The following TTC23L variants were observed in gnomAD, a reference collection of about 807,000 sequenced individuals.
TTC23L encodes the protein tetratricopeptide repeat domain 23 like.
TTC23L carries 42 observed loss-of-function variants against 48.1 expected under a neutral mutation model. That is an observed-to-expected ratio of 0.87 (90% CI 0.68 to 1.13). The LOEUF is 1.13. TTC23L is among the 50% of genes most tolerant of loss of function. The probability of loss-of-function intolerance (pLI) is 0.00; values close to 1 mark genes in which losing one functional copy is unlikely to be tolerated. For missense variants in TTC23L, 391 were observed against 421.0 expected, an observed-to-expected ratio of 0.93 and a Z score of 0.62; for synonymous variants, 159 against 157.2, an observed-to-expected ratio of 1.01 and a Z score of -0.09.
At chr5:34,915,039 G>C in the TTC23L span, 3 of 772,258 alleles carry the variant, frequency 3.9e-6, no homozygotes, top group Non-Finnish European at 6.2e-6. Flanking sequence ...GAGGTGGAAA[G>C]GGGCTGGGAG....
chr5:34,915,722 G>A, the TTC23L span: 2 of 1,591,300 alleles, frequency 1.3e-6, no homozygotes, highest in Non-Finnish European at 1.7e-6. Context: ...GGCCAAGAGC[G>A]CGGGCGGCGA....
chr5:34,919,509 A>C, the TTC23L span, among the ~76,000 whole-genome samples: 2 of 152,180 alleles, frequency 1.3e-5, no homozygotes, highest in South Asian at 4.1e-4. Flanking sequence ...ATTTTCATTG[A>C]AACTGGTTTC....
chr5:34,845,762 T>C (rs2150348372), intron 3 of TTC23L, 89 bp downstream of exon 3: 1 of 1,280,264 alleles, frequency 7.8e-7, no homozygotes, highest in Non-Finnish European at 1.1e-6. Flanking sequence ...GATTGAAGCA[T>C]ATGAAATAGA....
At chr5:34,879,636 T>C (rs184353307) in intron 8 of TTC23L, among the ~76,000 whole-genome samples, 48 of 152,260 alleles carry the variant, frequency 3.2e-4, no homozygotes, top group Admixed American at 3.0e-3. Context: ...AGCTTTCTTT[T>C]TTGCTACAAA....
chr5:34,892,622 TGA>T, intron 9 of TTC23L, among the ~76,000 whole-genome samples: 1 of 152,260 alleles, frequency 6.6e-6, no homozygotes. Flanking sequence ...TAATAAATCA[TGA>T]GGTTAGAAAT....
intron 2 of TTC23L, among the ~76,000 whole-genome samples, chr5:34,842,592 G>C (rs535532641): frequency 5.3e-5 from 8 of 152,122 alleles, no homozygotes; most frequent in Non-Finnish European, 1.5e-5. Flanking sequence ...TGGTGAGAAG[G>C]GGGGTGGAAG....
the TTC23L span, among the ~76,000 whole-genome samples, chr5:34,904,563 C>T: frequency 6.7e-6 from 1 of 149,984 alleles, no homozygotes; most frequent in Admixed American, 6.7e-5. Context: ...CACTGCACTC[C>T]AGCCTGGCAA....
chr5:34,904,741 C>G, the TTC23L span, among the ~76,000 whole-genome samples: 2 of 152,150 alleles, frequency 1.3e-5, no homozygotes, highest in African/African-American at 4.8e-5. Context: ...CTAACGTAGT[C>G]AGCCACGGCA....
the TTC23L span, chr5:34,922,805 T>A: frequency 6.4e-7 from 1 of 1,564,978 alleles, no homozygotes; most frequent in Non-Finnish European, 8.8e-7. Context: ...TCTAATTTTC[T>A]TATCTGGCAT....
At chr5:34,922,199 A>G in the TTC23L span, 1 of 1,438,948 alleles carries the variant, frequency 6.9e-7, no homozygotes. Flanking sequence ...TCATTTTCCT[A>G]TACTTTGCTT....
At chr5:34,852,747 T>C (rs1759778713) in intron 4 of TTC23L, among the ~76,000 whole-genome samples, 1 of 152,196 alleles carries the variant, frequency 6.6e-6, no homozygotes, top group East Asian at 1.9e-4. Context: ...TGGGGTGTAT[T>C]AGTCTGTTTT....
At chr5:34,920,990 GA>G in the TTC23L span, 6 of 152,206 alleles carry the variant, frequency 3.9e-5, no homozygotes, top group East Asian at 7.7e-4. Flanking sequence ...TCAGCCTCCC[GA>G]GTAGCTGGGA....
intron 4 of TTC23L, among the ~76,000 whole-genome samples, chr5:34,853,487 A>ACCACTGCACTCCAGCCTGG (rs1245788762): frequency 3.9e-5 from 6 of 152,054 alleles, no homozygotes; most frequent in African/African-American, 1.4e-4. Flanking sequence ...CTGAGATCGC[A>ACCACTGCACTCCAGCCTGG]CCACTGCACT....
the TTC23L span, chr5:34,916,053 A>AGTTT: frequency 2.4e-6 from 2 of 843,928 alleles, no homozygotes; most frequent in Non-Finnish European, 3.5e-6. Context: ...CTGGGCACGG[A>AGTTT]GTTTGCAGCT....
chr5:34,853,966 T>A (rs1019073229), intron 4 of TTC23L, among the ~76,000 whole-genome samples: 1 of 152,244 alleles, frequency 6.6e-6, no homozygotes, highest in Non-Finnish European at 1.5e-5. Flanking sequence ...GCCCTCTCTG[T>A]CTTGCCTTGA....
Position 34,864,544 on chromosome 5 carries a change from TA to T in TTC23L, c.646del (p.Thr216HisfsTer14), listed in dbSNP as rs771341557. ...GAATTACAAGTCTCTGAGAACGACC[TA>T]ACACTTGCTTTGGGCAGGTAAGATC... On this transcript the variant is annotated frameshift_variant, in exon 6 of 11. Transcript: ENST00000505624. LOFTEE classifies it high-confidence loss of function. 1 of 1,613,448 alleles carries T rather than the reference TA, an allele frequency of 6.2e-7. No individual in the cohort carries two copies. The highest frequency in any genetic ancestry group is 1.1e-5 in the South Asian group (1 of 90,952).
intron 9 of TTC23L, among the ~76,000 whole-genome samples, chr5:34,891,844 AG>A (rs1443507358): frequency 7.2e-5 from 11 of 152,344 alleles, no homozygotes; most frequent in Non-Finnish European, 1.3e-4. Flanking sequence ...GATTCATAGA[AG>A]GAGGAAAAAT....
chr5:34,861,646 G>C (rs1006777482), intron 4 of TTC23L: 1 of 152,170 alleles, frequency 6.6e-6, no homozygotes, highest in Admixed American at 6.5e-5. Flanking sequence ...GAGGGCTGCA[G>C]GTATCAAAGA....
chr5:34,851,603 T>C (rs1189858458), intron 4 of TTC23L, among the ~76,000 whole-genome samples: 5 of 152,154 alleles, frequency 3.3e-5, no homozygotes, highest in Admixed American at 3.3e-4. Context: ...GAGAGGAGAA[T>C]GTCCTTATGT....
Sources: gnomAD v4.1 joint callset for allele counts (sites outside exome capture counted in the v4.1 genomes callset) on GRCh38, gnomAD v4.1.1 for gene constraint, MANE v1.5 for transcripts, NCBI Gene and HGNC (gene_info 2026-07-23, HGNC 2026-07-21) for gene names.